Variants in NPAS3 observed in about 807,000 individuals in gnomAD.
NPAS3 encodes the protein neuronal PAS domain-containing protein 3.
In NPAS3, 14 loss-of-function variants were observed where a neutral mutation model predicts 73.1. The ratio of observed to expected loss-of-function variants is 0.19; its 90% CI spans 0.13 to 0.30. The LOEUF (loss-of-function observed/expected upper bound fraction) is 0.30, where lower values mean the gene tolerates loss of function less well. NPAS3 is among the 10% of genes least tolerant of loss of function. NPAS3 has a pLI of 1.00. For synonymous variants in NPAS3, 620 were observed against 541.5 expected, an observed-to-expected ratio of 1.14 and a Z score of -2.01; for missense variants, 1,096 against 1,250.0, an observed-to-expected ratio of 0.88 and a Z score of 1.86.
chr14:33,183,010 G>GA (rs2045850122), intron 2 of NPAS3, among the ~76,000 whole-genome samples: 1 of 152,164 alleles, frequency 6.6e-6, no homozygotes, highest in South Asian at 2.1e-4. Context: ...CCTTCTTCAA[G>GA]AAAATATCTC....
At chr14:33,207,522 A>G (rs17100370) in intron 2 of NPAS3, among the ~76,000 whole-genome samples, 14,865 of 152,216 alleles carry the variant, frequency 0.098, 1,121 homozygotes, top group East Asian at 0.33. Flanking sequence ...CAGGACATTC[A>G]TTTATCCTCA....
In NPAS3 at chr14:33,651,518, TAA is replaced by T. The variant is rs201202184; in HGVS notation, c.559-24692_559-24691del. ...TAAATAAGCACCATCTCAACTGATA[TAA>T]GATAATTAGAATACAAATTATATAT... On this transcript the variant is annotated intron_variant, in intron 5 of 11. Transcript: ENST00000356141. Among the ~76,000 whole-genome samples, 219 of 152,188 alleles carry T rather than the reference TAA, an allele frequency of 1.4e-3. 2 individuals carry two copies. Among genetic ancestry groups the T allele is most frequent in the Middle Eastern group, 0.01 (3 of 294 alleles).
intron 4 of NPAS3, among the ~76,000 whole-genome samples, chr14:33,416,803 A>G (rs1209981941): frequency 1.3e-5 from 2 of 152,000 alleles, no homozygotes; most frequent in Non-Finnish European, 2.9e-5. Context: ...TATGCTTTCT[A>G]CTTATGGACA....
At chr14:33,391,187 C>CTTTTTT (rs370631048) in intron 4 of NPAS3, among the ~76,000 whole-genome samples, 4 of 109,806 alleles carry the variant, frequency 3.6e-5, no homozygotes, top group Non-Finnish European at 5.4e-5. Context: ...TGGCCCATAT[C>CTTTTTT]TTTTTTTTTT....
rs374847796 is a variant in NPAS3, at chr14:33,739,988, TAAGTA to T, written c.852+4661_852+4665del. On this transcript the variant is annotated intron_variant, in intron 7 of 11. Coordinates refer to ENST00000356141, the Ensembl canonical transcript of NPAS3. ...ATTTTTTCATTTCCCCTAATGCATA[TAAGTA>T]AAGTTATCCCTTCTCTTCTGTGCTA... 2.8e-3 allele frequency among the ~76,000 whole-genome samples: 430 copies of T among 152,288 alleles called. 1 individual carries two copies. Among genetic ancestry groups the T allele is most frequent in the African/African-American group, 9.8e-3 (406 of 41,568 alleles).
intron 2 of NPAS3, among the ~76,000 whole-genome samples, chr14:33,084,341 A>C (rs887336668): frequency 3.3e-5 from 5 of 152,204 alleles, no homozygotes; most frequent in African/African-American, 1.2e-4. Context: ...ATGTGGGACT[A>C]GTCATAAAAA....
chr14:33,268,805 A>G (rs969122802), intron 3 of NPAS3, among the ~76,000 whole-genome samples: 4 of 152,194 alleles, frequency 2.6e-5, no homozygotes, highest in South Asian at 2.1e-4. Flanking sequence ...TTTAAGCTGA[A>G]GGACGATGTT....
chr14:33,692,381 C>A (rs567289025), intron 6 of NPAS3, among the ~76,000 whole-genome samples: 1 of 152,066 alleles, frequency 6.6e-6, no homozygotes, highest in African/African-American at 2.4e-5. Flanking sequence ...CTGAGCTTGA[C>A]GTATATTAAT....
intron 5 of NPAS3, among the ~76,000 whole-genome samples, chr14:33,625,562 G>C (rs1225922297): frequency 6.6e-6 from 1 of 152,182 alleles, no homozygotes; most frequent in Admixed American, 6.5e-5. Context: ...TAACAAAGCA[G>C]GTGTTAGAAC....
intron 4 of NPAS3, among the ~76,000 whole-genome samples, chr14:33,480,652 C>A (rs956612002): frequency 1.3e-5 from 2 of 151,266 alleles, no homozygotes; most frequent in Non-Finnish European, 2.9e-5. Context: ...TCAGGATGGC[C>A]TGTTGTCTTC....
chr14:33,018,157 C>T (rs11846373), intron 1 of NPAS3, among the ~76,000 whole-genome samples: 10,928 of 152,204 alleles, frequency 0.072, 1,038 homozygotes, highest in African/African-American at 0.21. Flanking sequence ...GACACAAAGG[C>T]ACAAACGGAC....
chr14:33,324,696 A>T (rs10135313), intron 3 of NPAS3, among the ~76,000 whole-genome samples: 166 of 152,306 alleles, frequency 1.1e-3, no homozygotes, highest in African/African-American at 3.5e-3. Flanking sequence ...CAAAATTTGA[A>T]TTAAAAGTTT....
intron 4 of NPAS3, among the ~76,000 whole-genome samples, chr14:33,515,181 C>G (rs566377118): frequency 1.1e-4 from 17 of 152,098 alleles, no homozygotes; most frequent in Non-Finnish European, 2.1e-4. Context: ...CTTCCACACT[C>G]ACTTCATACC....
chr14:33,424,550 G>A (rs1232727371), intron 4 of NPAS3, among the ~76,000 whole-genome samples: 2 of 152,014 alleles, frequency 1.3e-5, no homozygotes, highest in African/African-American at 4.8e-5. Flanking sequence ...CCTGGGAATG[G>A]TGAAAGAATG....
chr14:33,445,171 C>T (rs1225650754), intron 4 of NPAS3, among the ~76,000 whole-genome samples: 1 of 152,192 alleles, frequency 6.6e-6, no homozygotes, highest in East Asian at 1.9e-4. Flanking sequence ...GTTCTCCATG[C>T]ATGAGTCACA....
chr14:33,028,029 G>T (rs2039865960), intron 1 of NPAS3, among the ~76,000 whole-genome samples: 1 of 152,100 alleles, frequency 6.6e-6, no homozygotes. Flanking sequence ...TTAACACATA[G>T]TTACTCATAA....
chr14:33,622,886 C>A (rs1435170920), intron 5 of NPAS3, among the ~76,000 whole-genome samples: 1 of 152,094 alleles, frequency 6.6e-6, no homozygotes, highest in Non-Finnish European at 1.5e-5. Context: ...GCCCGGCACC[C>A]AATACCATGC....
At chr14:33,435,300 G>A (rs1174439530) in intron 4 of NPAS3, among the ~76,000 whole-genome samples, 1 of 152,122 alleles carries the variant, frequency 6.6e-6, no homozygotes, top group African/African-American at 2.4e-5. Context: ...AGCTTAGCTA[G>A]CCTTAAATTG....
intron 6 of NPAS3, among the ~76,000 whole-genome samples, chr14:33,679,169 A>G (rs1271266637): frequency 3.9e-5 from 6 of 152,222 alleles, no homozygotes; most frequent in Admixed American, 2.6e-4. Context: ...CTACACTCGC[A>G]TAAGAAGAGG....
Sources: allele counts gnomAD v4.1 joint callset (sites outside exome capture counted in the v4.1 genomes callset), GRCh38; gene constraint gnomAD v4.1.1; transcripts MANE v1.5; gene names NCBI Gene and HGNC (gene_info 2026-07-23, HGNC 2026-07-21).